Variants in ARMH3 observed in about 807,000 individuals in gnomAD.
The protein encoded by ARMH3 is armadillo like helical domain containing 3.
ARMH3 carries 60 observed loss-of-function variants against 99.1 expected under a neutral mutation model. That is an observed-to-expected ratio of 0.61 (90% CI 0.49 to 0.75). ARMH3 has a LOEUF of 0.75. ARMH3 is among the 30% of genes least tolerant of loss of function. The pLI is 0.00. For synonymous variants in ARMH3, 285 were observed against 292.8 expected (o/e 0.97, Z 0.27); for missense variants, 679 against 843.1 (o/e 0.81, Z 2.41).
At chr10:101,936,577 T>TA (rs1011179364) in intron 23 of ARMH3, among the ~76,000 whole-genome samples, 2,548 of 133,778 alleles carry the variant, frequency 0.019, 24 homozygotes, top group Middle Eastern at 0.051. Flanking sequence ...ATGCTAAACC[T>TA]AAAAAAAAAA....
At chr10:101,878,359 GCAT>G (rs1306180619) in intron 24 of ARMH3, among the ~76,000 whole-genome samples, 3 of 152,040 alleles carry the variant, frequency 2.0e-5, no homozygotes, top group South Asian at 2.1e-4. Flanking sequence ...TTTAGGTAAG[GCAT>G]CATGTCTCAC....
At chr10:101,921,471 A>G (rs1258676027) in intron 23 of ARMH3, among the ~76,000 whole-genome samples, 1 of 152,148 alleles carries the variant, frequency 6.6e-6, no homozygotes, top group African/African-American at 2.4e-5. Flanking sequence ...TGTTTAGAAT[A>G]CCGCTACTGG....
chr10:101,989,914 G>A (rs1000565620), intron 19 of ARMH3, among the ~76,000 whole-genome samples: 3 of 152,188 alleles, frequency 2.0e-5, no homozygotes, highest in Non-Finnish European at 2.9e-5. Context: ...TACCTAATGC[G>A]AAAGCTCAGA....
chr10:101,919,244 CTTTT>C (rs1843207087), intron 23 of ARMH3, among the ~76,000 whole-genome samples: 1 of 152,110 alleles, frequency 6.6e-6, no homozygotes, highest in Admixed American at 6.5e-5. Flanking sequence ...CCCTTCCTTT[CTTTT>C]TGTCTTAAAC....
chr10:102,028,747 A>G (rs1187983987), intron 5 of ARMH3, among the ~76,000 whole-genome samples: 6 of 152,212 alleles, frequency 3.9e-5, no homozygotes, highest in African/African-American at 1.4e-4. Context: ...AGAGTGGAGA[A>G]TTGGGGAATG....
intron 23 of ARMH3, among the ~76,000 whole-genome samples, chr10:101,897,337 G>A (rs2067862413): frequency 6.6e-6 from 1 of 152,148 alleles, no homozygotes; most frequent in South Asian, 2.1e-4. Context: ...AGTAGCTTTT[G>A]CTTCTGGAGA....
intron 2 of ARMH3, among the ~76,000 whole-genome samples, chr10:102,034,462 C>A (rs928820917): frequency 6.6e-6 from 1 of 151,606 alleles, no homozygotes; most frequent in Non-Finnish European, 1.5e-5. Context: ...CGGTGACACC[C>A]CATCTCTACT....
chr10:101,852,476 C>A (rs1467596786), intron 24 of ARMH3, among the ~76,000 whole-genome samples: 2 of 152,236 alleles, frequency 1.3e-5, no homozygotes, highest in Non-Finnish European at 2.9e-5. Context: ...CCAGAAGCAG[C>A]CGGACATGGT....
At position 101,993,608 on chromosome 10, in the gene ARMH3, T is replaced by C. The variant is rs775032428; in HGVS notation, c.1210-5A>G. ...AAATGCATTGGCATATTGATCCTAA[T>C]AAAAATATAGAGAAAAAGTAAGAAG... On this transcript the variant is annotated splice_polypyrimidine_tract_variant and splice_region_variant and intron_variant, in intron 16 of 25. Transcript: ENST00000370033. 1.3e-6 allele frequency: 2 copies of C among 1,573,360 alleles called. No homozygotes were observed. Among genetic ancestry groups the C allele is most frequent in the South Asian group, 1.2e-5 (1 of 86,044 alleles).
chr10:101,987,202 C>T (rs1181997441), intron 19 of ARMH3, among the ~76,000 whole-genome samples: 1 of 152,024 alleles, frequency 6.6e-6, no homozygotes, highest in African/African-American at 2.4e-5. Flanking sequence ...TCTTATCCTC[C>T]CTCCATGCAC....
intron 23 of ARMH3, among the ~76,000 whole-genome samples, chr10:101,933,034 A>C (rs1843788122): frequency 6.6e-6 from 1 of 152,126 alleles, no homozygotes; most frequent in African/African-American, 2.4e-5. Context: ...AAAATACAAA[A>C]AATTAGCCTA....
At chr10:101,862,048 C>CAAAA (rs34359012) in intron 24 of ARMH3, among the ~76,000 whole-genome samples, 97 of 36,108 alleles carry the variant, frequency 2.7e-3, no homozygotes, top group Middle Eastern at 0.017. Context: ...GATTCCCTCT[C>CAAAA]AAAAAAAAAA....
intron 24 of ARMH3, among the ~76,000 whole-genome samples, chr10:101,860,655 A>G (rs2066845439): frequency 6.6e-6 from 1 of 152,220 alleles, no homozygotes; most frequent in Admixed American, 6.5e-5. Context: ...ACTAGGTCAG[A>G]CAAAAATTAT....
At chr10:102,019,132 T>C (rs574932932) in intron 8 of ARMH3, among the ~76,000 whole-genome samples, 2 of 152,208 alleles carry the variant, frequency 1.3e-5, no homozygotes, top group South Asian at 4.1e-4. Flanking sequence ...CACTGCAACC[T>C]CCACCTCCTG....
At chr10:101,990,182 T>A (rs1236732402) in intron 19 of ARMH3, among the ~76,000 whole-genome samples, 1 of 148,958 alleles carries the variant, frequency 6.7e-6, no homozygotes, top group Non-Finnish European at 1.5e-5. Context: ...GAACTTTCTT[T>A]TTTTTTTTTT....
intron 2 of ARMH3, 94 bp downstream of exon 2, chr10:102,039,919 A>C: frequency 8.5e-7 from 1 of 1,182,340 alleles, no homozygotes; most frequent in Non-Finnish European, 1.3e-6. Flanking sequence ...TCCCCCAAGG[A>C]ACCTGAAGGT....
At chr10:101,868,206 C>A (rs757608973) in intron 24 of ARMH3, among the ~76,000 whole-genome samples, 2 of 152,148 alleles carry the variant, frequency 1.3e-5, no homozygotes, top group African/African-American at 4.8e-5. Flanking sequence ...GAGGGAGATG[C>A]GTTCTTCCCC....
At chr10:101,898,662 C>T (rs1456286464) in intron 23 of ARMH3, among the ~76,000 whole-genome samples, 1 of 152,190 alleles carries the variant, frequency 6.6e-6, no homozygotes, top group Non-Finnish European at 1.5e-5. Context: ...GGAAACATAA[C>T]TGTTATACTC....
At chr10:101,956,803 CTTA>C in intron 21 of ARMH3, 80 bp from the exon 22 acceptor site, 1 of 1,420,448 alleles carries the variant, frequency 7.0e-7, no homozygotes, top group Admixed American at 2.2e-5. Flanking sequence ...GTAGCCAGCT[CTTA>C]CTGTCTTGCA....
Sources: gnomAD v4.1 joint callset for allele counts (sites outside exome capture counted in the v4.1 genomes callset) on GRCh38, gnomAD v4.1.1 for gene constraint, MANE v1.5 for transcripts, NCBI Gene and HGNC (gene_info 2026-07-23, HGNC 2026-07-21) for gene names.